TBC1D5: variants seen among roughly 807,000 people sequenced by gnomAD.
The protein encoded by TBC1D5 is TBC1 domain family, member 5.
In TBC1D5, 75 loss-of-function variants were observed where a neutral mutation model predicts 100.3. The ratio of observed to expected loss-of-function variants is 0.75; its 90% CI spans 0.62 to 0.91. The LOEUF (loss-of-function observed/expected upper bound fraction) is 0.91, where lower values mean the gene tolerates loss of function less well. Ranked by LOEUF, TBC1D5 falls within the 40% of genes least tolerant of loss-of-function variation. The probability of loss-of-function intolerance (pLI) is 0.00; values close to 1 mark genes in which losing one functional copy is unlikely to be tolerated. For missense variants in TBC1D5, 910 were observed against 942.4 expected (o/e 0.97, Z 0.45); for synonymous variants, 323 against 325.6 (o/e 0.99, Z 0.09).
chr3:17,479,142 C>T (rs2095472112), intron 3 of TBC1D5, among the ~76,000 whole-genome samples: 2 of 152,300 alleles, frequency 1.3e-5, no homozygotes, highest in African/African-American at 4.8e-5. Flanking sequence ...GGCTCACATC[C>T]ATAATCCTAG....
chr3:17,700,395 A>T (rs1455238436), intron 1 of TBC1D5, among the ~76,000 whole-genome samples: 4 of 152,180 alleles, frequency 2.6e-5, no homozygotes, highest in East Asian at 1.9e-4. Flanking sequence ...AACCTAGGCA[A>T]TACCATTCAG....
intron 14 of TBC1D5, among the ~76,000 whole-genome samples, chr3:17,296,268 T>C (rs1341664676): frequency 1.3e-5 from 2 of 152,182 alleles, no homozygotes; most frequent in Non-Finnish European, 2.9e-5. Context: ...GTTTTTCTCA[T>C]AGTTAATTGT....
intron 2 of TBC1D5, among the ~76,000 whole-genome samples, chr3:17,538,298 C>T (rs1484898346): frequency 6.6e-6 from 1 of 152,142 alleles, no homozygotes; most frequent in Non-Finnish European, 1.5e-5. Context: ...GTGTTATCCA[C>T]TTCTCAGGAA....
intron 2 of TBC1D5, among the ~76,000 whole-genome samples, chr3:17,542,676 T>G (rs1415062853): frequency 6.6e-6 from 1 of 152,236 alleles, no homozygotes; most frequent in Non-Finnish European, 1.5e-5. Context: ...GAAATATTGT[T>G]AAATTTTGTC....
At chr3:17,195,671 G>A (rs1024879598) in intron 18 of TBC1D5, among the ~76,000 whole-genome samples, 3 of 152,018 alleles carry the variant, frequency 2.0e-5, no homozygotes, top group Non-Finnish European at 4.4e-5. Context: ...AATCCAAGCT[G>A]AGGATCAAGT....
chr3:17,501,963 T>C (rs990128496), intron 3 of TBC1D5, among the ~76,000 whole-genome samples: 2 of 149,676 alleles, frequency 1.3e-5, no homozygotes, highest in Non-Finnish European at 2.9e-5. Context: ...CACTAACTTA[T>C]CAAACAAGAG....
intron 18 of TBC1D5, among the ~76,000 whole-genome samples, chr3:17,185,702 T>TAA (rs5846952): frequency 1.6e-4 from 23 of 146,694 alleles, no homozygotes; most frequent in South Asian, 4.3e-4. Flanking sequence ...TTTGTAAAAA[T>TAA]AAAAAAAAAA....
At chr3:17,569,209 A>C (rs1315023557) in intron 2 of TBC1D5, among the ~76,000 whole-genome samples, 2 of 151,866 alleles carry the variant, frequency 1.3e-5, no homozygotes, top group Non-Finnish European at 3.0e-5. Context: ...CCAATCCTAA[A>C]AGATTTGATA....
chr3:17,367,713 G>A (rs2092238247), intron 13 of TBC1D5, among the ~76,000 whole-genome samples: 1 of 151,954 alleles, frequency 6.6e-6, no homozygotes, highest in South Asian at 2.1e-4. Flanking sequence ...ACAAAAATTA[G>A]CCAGGTGTGG....
intron 1 of TBC1D5, among the ~76,000 whole-genome samples, chr3:17,660,726 A>G (rs2066560342): frequency 6.6e-6 from 1 of 152,224 alleles, no homozygotes; most frequent in Admixed American, 6.5e-5. Flanking sequence ...GCTTGGAGAT[A>G]AAGCCCTAGA....
intron 17 of TBC1D5, 21 bp from the exon 19 acceptor site, chr3:17,214,391 CAAT>C: frequency 6.2e-7 from 1 of 1,604,986 alleles, no homozygotes; most frequent in Non-Finnish European, 8.5e-7. Context: ...AATTAAGTAG[CAAT>C]AATGAAACAC....
At chr3:17,186,051 G>A (rs1476587717) in intron 18 of TBC1D5, among the ~76,000 whole-genome samples, 8 of 139,722 alleles carry the variant, frequency 5.7e-5, no homozygotes, top group Non-Finnish European at 9.1e-5. Flanking sequence ...TTTTTTTTAA[G>A]AGAAAAAGAA....
chr3:17,366,379 TAATA>T (rs2092130375), intron 13 of TBC1D5, among the ~76,000 whole-genome samples: 1 of 151,974 alleles, frequency 6.6e-6, no homozygotes, highest in Non-Finnish European at 1.5e-5. Context: ...CCTCAGGAAA[TAATA>T]AATATAATAA....
At chr3:17,225,117 C>T (rs2074709674) in intron 17 of TBC1D5, among the ~76,000 whole-genome samples, 1 of 152,004 alleles carries the variant, frequency 6.6e-6, no homozygotes, top group African/African-American at 2.4e-5. Flanking sequence ...GATATTTAAC[C>T]AACAGATCAA....
intron 13 of TBC1D5, among the ~76,000 whole-genome samples, chr3:17,309,103 T>C (rs2083709832): frequency 1.3e-5 from 2 of 151,664 alleles, no homozygotes; most frequent in South Asian, 2.1e-4. Flanking sequence ...TCAAATAGTA[T>C]AGAATAACCT....
At chr3:17,285,268 T>C (rs1389609643) in intron 15 of TBC1D5, among the ~76,000 whole-genome samples, 1 of 97,036 alleles carries the variant, frequency 1.0e-5, no homozygotes, top group Non-Finnish European at 2.3e-5. Flanking sequence ...TTTTTTTTTT[T>C]TTTTTTTTTT....
chr3:17,457,103 T>C (rs1308193832), intron 3 of TBC1D5, among the ~76,000 whole-genome samples: 1 of 152,142 alleles, frequency 6.6e-6, no homozygotes, highest in African/African-American at 2.4e-5. Context: ...TTTCTAATTG[T>C]CTTTAAGACA....
intron 18 of TBC1D5, among the ~76,000 whole-genome samples, chr3:17,202,565 A>C (rs2071597992): frequency 6.6e-6 from 1 of 152,256 alleles, no homozygotes; most frequent in South Asian, 2.1e-4. Flanking sequence ...CCTTTGTGGC[A>C]GCTGCTTCCA....
At chr3:17,587,799 G>A (rs2153554618) in intron 2 of TBC1D5, among the ~76,000 whole-genome samples, 1 of 151,934 alleles carries the variant, frequency 6.6e-6, no homozygotes, top group Non-Finnish European at 1.5e-5. Context: ...TTTCGTGTAT[G>A]GCTGAACTAA....
Sources: gnomAD v4.1 joint callset for allele counts (sites outside exome capture counted in the v4.1 genomes callset) on GRCh38, gnomAD v4.1.1 for gene constraint, MANE v1.5 for transcripts, NCBI Gene and HGNC (gene_info 2026-07-23, HGNC 2026-07-21) for gene names.